Variants in MAGI3 observed in about 807,000 individuals in gnomAD.
MAGI3 encodes membrane-associated guanylate kinase, WW and PDZ domain-containing protein 3.
MAGI3 carries 43 observed loss-of-function variants against 121.8 expected under a neutral mutation model. The observed-to-expected ratio is 0.35, with a 90% CI of 0.28 to 0.46. MAGI3 has a LOEUF of 0.46. Among genes scored for constraint, MAGI3 ranks in the 20% least tolerant of loss-of-function variants. MAGI3 has a pLI of 1.00. For synonymous variants in MAGI3, 553 were observed against 639.3 expected (o/e 0.86, Z 2.04); for missense variants, 1,547 against 1,797.3 (o/e 0.86, Z 2.52).
At chr1:113,476,200 G>GT (rs1235061808) in intron 1 of MAGI3, among the ~76,000 whole-genome samples, 1 of 152,100 alleles carries the variant, frequency 6.6e-6, no homozygotes, top group South Asian at 2.1e-4. Context: ...TTTTTGAAGG[G>GT]TTTTTTGTGT....
At chr1:113,536,759 G>A (rs945781809) in intron 1 of MAGI3, among the ~76,000 whole-genome samples, 1 of 152,036 alleles carries the variant, frequency 6.6e-6, no homozygotes, top group African/African-American at 2.4e-5. Flanking sequence ...TCTGTAATCT[G>A]AAATATTCTA....
intron 4 of MAGI3, 136 bp downstream of exon 4, chr1:113,585,732 T>TA (rs1006974215): frequency 3.6e-5 from 26 of 715,096 alleles, no homozygotes; most frequent in African/African-American, 3.6e-4. Context: ...GTAAAGGTTG[T>TA]ATGTGGAGCA....
chr1:113,468,747 A>C (rs1655409248), intron 1 of MAGI3, among the ~76,000 whole-genome samples: 1 of 152,218 alleles, frequency 6.6e-6, no homozygotes, highest in Non-Finnish European at 1.5e-5. Context: ...TTGGTTAAAT[A>C]AATTATTAAA....
intron 5 of MAGI3, among the ~76,000 whole-genome samples, chr1:113,592,724 C>G (rs1217234): frequency 0.76 from 115,593 of 152,112 alleles, 44,683 homozygotes; most frequent in African/African-American, 0.86. Flanking sequence ...ATATTAAAAA[C>G]TGTTTTGGCC....
Position 113,683,851 on chromosome 1 carries a change from A to G in MAGI3, c.4283A>G (p.Lys1428Arg). 1 of 1,612,648 alleles carries G rather than the reference A, an allele frequency of 6.2e-7. No individual in the cohort carries two copies. ...GTTTCAAACAAAACAGAAGATCACA[A>G]AGGGAAAGAACTAGAGGCAGCTGAC... ...KVVSNKTEDH[K>R]GKELEAADKN... Residue 1428 changes from lysine (K) to arginine (R), a missense_variant, in exon 21 of 21, where the codon AAA (lysine) becomes AGA (arginine). Lys to Arg is a conservative substitution (Grantham distance 26). Coordinates refer to ENST00000307546, the MANE Select transcript of MAGI3 (RefSeq NM_001142782.2).
chr1:113,436,044 A>G (rs201492915), intron 1 of MAGI3, among the ~76,000 whole-genome samples: 2 of 111,218 alleles, frequency 1.8e-5, no homozygotes, highest in African/African-American at 5.2e-5. Flanking sequence ...GAATACAAAC[A>G]TGTGCATCTT....
At chr1:113,414,306 C>T (rs944547689) in intron 1 of MAGI3, among the ~76,000 whole-genome samples, 2 of 152,098 alleles carry the variant, frequency 1.3e-5, no homozygotes, top group East Asian at 1.9e-4. Context: ...ATTTTCGCAT[C>T]GATGTTCATC....
At chr1:113,648,219 A>G (rs1276113591) in intron 12 of MAGI3, among the ~76,000 whole-genome samples, 1 of 152,172 alleles carries the variant, frequency 6.6e-6, no homozygotes, top group Admixed American at 6.5e-5. Flanking sequence ...CTACAATTTT[A>G]ATAGGAAGTA....
intron 6 of MAGI3, among the ~76,000 whole-genome samples, chr1:113,605,918 A>G (rs1649740750): frequency 1.3e-5 from 2 of 151,848 alleles, no homozygotes; most frequent in African/African-American, 4.8e-5. Flanking sequence ...TTTACCATTA[A>G]AAGGGCACTT....
At chr1:113,504,061 C>T (rs1308414551) in intron 1 of MAGI3, among the ~76,000 whole-genome samples, 1 of 151,778 alleles carries the variant, frequency 6.6e-6, no homozygotes, top group Non-Finnish European at 1.5e-5. Context: ...TAGAAAAGAA[C>T]CAGATGTTAG....
chr1:113,652,892 T>G (rs995819142), intron 14 of MAGI3, among the ~76,000 whole-genome samples: 17 of 152,330 alleles, frequency 1.1e-4, no homozygotes, highest in Admixed American at 2.6e-4. Flanking sequence ...ATTGGCCATT[T>G]GTCAGGAATT....
chr1:113,629,617 A>G (rs545828146), intron 9 of MAGI3, among the ~76,000 whole-genome samples: 4 of 152,330 alleles, frequency 2.6e-5, no homozygotes, highest in South Asian at 4.1e-4. Context: ...CCCAATAACA[A>G]TAAGTACCAC....
In MAGI3 at chr1:113,590,560, G is replaced by T; in HGVS notation, c.840G>T (p.Met280Ile). The T allele has an allele frequency of 6.2e-7, 1 of 1,613,726 alleles. No homozygotes were observed. Residue 280 changes from methionine to isoleucine, a missense_variant, in exon 5 of 21, where the codon ATG becomes ATT. Transcript: ENST00000307546. ...GTTACAACCAAACAAATAGCTCCAT[G>T]GACTTTAGAAATTATATGATGAGAG... ...VPSYNQTNSS[M>I]DFRNYMMRDE... is the part of the protein sequence containing the mutation.
intron 1 of MAGI3, among the ~76,000 whole-genome samples, chr1:113,468,616 C>G (rs181331096): frequency 1.3e-4 from 20 of 152,100 alleles, no homozygotes; most frequent in African/African-American, 3.9e-4. Context: ...GTAGCATCTG[C>G]ATTGAGATAT....
chr1:113,611,729 A>G (rs1299628359), intron 6 of MAGI3, among the ~76,000 whole-genome samples: 1 of 152,058 alleles, frequency 6.6e-6, no homozygotes, highest in Non-Finnish European at 1.5e-5. Context: ...TCAATTCTCT[A>G]TCATCGTCAA....
chr1:113,473,799 G>A (rs1437975107), intron 1 of MAGI3, among the ~76,000 whole-genome samples: 2 of 152,178 alleles, frequency 1.3e-5, no homozygotes, highest in East Asian at 3.9e-4. Context: ...GGATGGCTGA[G>A]TCAAATGGTA....
chr1:113,608,864 T>G (rs1044259729), intron 6 of MAGI3, among the ~76,000 whole-genome samples: 1 of 152,218 alleles, frequency 6.6e-6, no homozygotes, highest in African/African-American at 2.4e-5. Context: ...ATCCAGCTTT[T>G]TCCTGTTGCC....
At chr1:113,597,311 GA>G (rs1485948220) in intron 6 of MAGI3, among the ~76,000 whole-genome samples, 3 of 152,166 alleles carry the variant, frequency 2.0e-5, no homozygotes, top group African/African-American at 7.2e-5. Context: ...TTGGGCTAAG[GA>G]TAAGAATAGA....
At chr1:113,549,986 G>A (rs1452377723) in intron 2 of MAGI3, among the ~76,000 whole-genome samples, 3 of 151,606 alleles carry the variant, frequency 2.0e-5, no homozygotes, top group African/African-American at 7.3e-5. Flanking sequence ...TGTGGTGGCG[G>A]GCGCCTATAA....
Sources: allele counts gnomAD v4.1 joint callset (sites outside exome capture counted in the v4.1 genomes callset), GRCh38; gene constraint gnomAD v4.1.1; transcripts MANE v1.5; gene names NCBI Gene and HGNC (gene_info 2026-07-23, HGNC 2026-07-21).